PTPN13: variants seen among roughly 807,000 people sequenced by gnomAD.
PTPN13 encodes the protein tyrosine-protein phosphatase non-receptor type 13.
PTPN13 carries 191 observed loss-of-function variants against 284.0 expected under a neutral mutation model. The ratio of observed to expected loss-of-function variants is 0.67; its 90% CI spans 0.60 to 0.76. The LOEUF (loss-of-function observed/expected upper bound fraction) is 0.76. PTPN13 is among the 30% of genes least tolerant of loss of function. The pLI is 0.00. For missense variants in PTPN13, 2,797 were observed against 2,939.9 expected, an observed-to-expected ratio of 0.95 and a Z score of 1.12; for synonymous variants, 986 against 1,022.3, an observed-to-expected ratio of 0.96 and a Z score of 0.68.
chr4:86,797,007 A>T, intron 41 of PTPN13, 78 bp downstream of exon 41: 1 of 983,276 alleles, frequency 1.0e-6, no homozygotes, highest in South Asian at 1.6e-5. Flanking sequence ...TTTGTTTTCC[A>T]GTATAAAATA....
chr4:86,776,010 A>G (rs1463950950), intron 35 of PTPN13, among the ~76,000 whole-genome samples: 2 of 152,068 alleles, frequency 1.3e-5, no homozygotes, highest in South Asian at 2.1e-4. Context: ...CGGTGGTGCA[A>G]TCTTGGCTCA....
At chr4:86,729,005 C>T (rs1267800747) in intron 10 of PTPN13, among the ~76,000 whole-genome samples, 1 of 148,984 alleles carries the variant, frequency 6.7e-6, no homozygotes, top group Non-Finnish European at 1.5e-5. Context: ...ATGTTTAGTG[C>T]TTCCTTCAGG....
intron 4 of PTPN13, among the ~76,000 whole-genome samples, chr4:86,688,368 C>T (rs1292613493): frequency 1.3e-5 from 2 of 151,796 alleles, no homozygotes; most frequent in Non-Finnish European, 2.9e-5. Context: ...GTAGTGGCTT[C>T]TTCTTGTAGT....
intron 16 of PTPN13, among the ~76,000 whole-genome samples, chr4:86,743,784 T>C (rs1011800937): frequency 7.2e-5 from 11 of 152,226 alleles, no homozygotes; most frequent in Non-Finnish European, 1.5e-4. Flanking sequence ...GGTAATACTC[T>C]GTTATTACAA....
rs113501292 is a variant in PTPN13, at chr4:86,635,691, C to T, written c.115+320C>T. Reference sequence around the variant, plus strand: ...ATTAACAAAATATTTGGGCCAGGTGCGGTGGCTTACACCTCTGTTCCCAGC... The same window carrying T: ...ATTAACAAAATATTTGGGCCAGGTGTGGTGGCTTACACCTCTGTTCCCAGC... On this transcript the variant is annotated intron_variant, in intron 2 of 47. Transcript: ENST00000411767. 4.0e-3 allele frequency among the ~76,000 whole-genome samples: 616 copies of T among 152,174 alleles called. 7 individuals are homozygous for T. Among genetic ancestry groups the T allele is most frequent in the African/African-American group, 0.012 (485 of 41,536 alleles).
chr4:86,707,533 C>T (rs17012012), intron 7 of PTPN13, among the ~76,000 whole-genome samples: 7,517 of 152,198 alleles, frequency 0.049, 257 homozygotes, highest in African/African-American at 0.071. Flanking sequence ...TACATTCTTA[C>T]AGTTACGCTT....
chr4:86,638,319 A>C (rs1175231329), intron 2 of PTPN13, among the ~76,000 whole-genome samples: 1 of 152,174 alleles, frequency 6.6e-6, no homozygotes, highest in Non-Finnish European at 1.5e-5. Flanking sequence ...CCAGAATAGG[A>C]AAAAACTACT....
intron 2 of PTPN13, among the ~76,000 whole-genome samples, chr4:86,669,573 C>T (rs375946125): frequency 4.6e-5 from 7 of 152,110 alleles, no homozygotes; most frequent in African/African-American, 1.7e-4. Flanking sequence ...GAATAAATCT[C>T]TACATTTTAG....
intron 10 of PTPN13, among the ~76,000 whole-genome samples, chr4:86,723,688 C>G (rs1283670673): frequency 6.6e-6 from 1 of 152,158 alleles, no homozygotes; most frequent in African/African-American, 2.4e-5. Flanking sequence ...TTCCTATGAT[C>G]GTGCCTGTTT....
chr4:86,785,166 A>C (rs2149318113), intron 38 of PTPN13, 65 bp from the exon 39 acceptor site: 2 of 1,276,286 alleles, frequency 1.6e-6, no homozygotes. Flanking sequence ...TCTGTTTAAC[A>C]CCTTGTCCCT....
intron 37 of PTPN13, among the ~76,000 whole-genome samples, chr4:86,783,596 C>A (rs1401284153): frequency 1.3e-5 from 2 of 152,032 alleles, no homozygotes; most frequent in Non-Finnish European, 1.5e-5. Context: ...CTATTAATTT[C>A]TCATTGAGAA....
chr4:86,689,986 G>A (rs1033450664), intron 5 of PTPN13: 11 of 385,872 alleles, frequency 2.9e-5, no homozygotes, highest in South Asian at 1.5e-4. Flanking sequence ...ATTCCTCATC[G>A]GTAGGGGTTT....
At chr4:86,638,096 A>T (rs1449078549) in intron 2 of PTPN13, among the ~76,000 whole-genome samples, 1 of 152,186 alleles carries the variant, frequency 6.6e-6, no homozygotes, top group East Asian at 1.9e-4. Context: ...AAAGAGAATA[A>T]AATACTTAGG....
intron 1 of PTPN13, among the ~76,000 whole-genome samples, chr4:86,603,661 C>G (rs543448967): frequency 6.6e-6 from 1 of 152,190 alleles, no homozygotes; most frequent in South Asian, 2.1e-4. Context: ...ATACCCAGTT[C>G]CCTTTTTTAA....
At chr4:86,705,958 C>T (rs1279420695) in intron 7 of PTPN13, among the ~76,000 whole-genome samples, 1 of 152,046 alleles carries the variant, frequency 6.6e-6, no homozygotes, top group African/African-American at 2.4e-5. Flanking sequence ...CAGTTTTCTC[C>T]TCCAACCTCT....
chr4:86,731,827 A>T (rs955515796), intron 10 of PTPN13, among the ~76,000 whole-genome samples: 2 of 152,086 alleles, frequency 1.3e-5, no homozygotes, highest in Admixed American at 1.3e-4. Context: ...TTTTTTGTAG[A>T]AACAGGGTCT....
chr4:86,693,024 A>T (rs999030490), intron 5 of PTPN13, among the ~76,000 whole-genome samples: 2 of 149,276 alleles, frequency 1.3e-5, no homozygotes, highest in Non-Finnish European at 3.0e-5. Context: ...GGTTGCAGTG[A>T]ACCGAGGTCC....
At position 86,800,871 on chromosome 4, in the gene PTPN13, A is replaced by C. The variant is rs1027724203; in HGVS notation, c.6505+1667A>C. ...TTAAGTTCCTGTTGCACTGACATGC[A>C]GTTCTGTAAAAGTTATTTCATATGA... On this transcript the variant is annotated intron_variant, in intron 42 of 47. Transcript: ENST00000411767. Among the ~76,000 whole-genome samples the C allele has an allele frequency of 5.3e-4, 80 of 152,314 alleles. 1 individual carries two copies. Among genetic ancestry groups the C allele is most frequent in the African/African-American group, 1.8e-3 (73 of 41,572 alleles).
intron 39 of PTPN13, among the ~76,000 whole-genome samples, 182 bp downstream of exon 39, chr4:86,785,550 G>T (rs1741803219): frequency 6.6e-6 from 1 of 151,594 alleles, no homozygotes; most frequent in Non-Finnish European, 1.5e-5. Flanking sequence ...TTTGTAAGTG[G>T]GTTACCTTAT....
Sources: allele counts gnomAD v4.1 joint callset (sites outside exome capture counted in the v4.1 genomes callset), GRCh38; gene constraint gnomAD v4.1.1; transcripts MANE v1.5; gene names NCBI Gene and HGNC (gene_info 2026-07-23, HGNC 2026-07-21).